Variants in PCYT1A observed in about 807,000 individuals in gnomAD.
PCYT1A encodes phosphate cytidylyltransferase 1A, choline, also known as choline-phosphate cytidylyltransferase A.
PCYT1A carries 25 observed loss-of-function variants against 43.7 expected under a neutral mutation model. That is an observed-to-expected ratio of 0.57 (90% confidence interval 0.42 to 0.80). PCYT1A has a LOEUF of 0.80. Ranked by LOEUF, PCYT1A falls within the 30% of genes least tolerant of loss-of-function variation. PCYT1A has a pLI of 0.00. For synonymous variants in PCYT1A, 172 were observed against 170.7 expected, an observed-to-expected ratio of 1.01 and a Z score of -0.06; for missense variants, 421 against 474.2, an observed-to-expected ratio of 0.89 and a Z score of 1.04.
chr3:196,241,236 G>A (rs1217999771), intron 7 of PCYT1A, among the ~76,000 whole-genome samples: 1 of 151,238 alleles, frequency 6.6e-6, no homozygotes, highest in Non-Finnish European at 1.5e-5. Context: ...GACAGAGGCT[G>A]CAGTGAGCCG....
chr3:196,272,436 G>A (rs889897006), intron 1 of PCYT1A, among the ~76,000 whole-genome samples: 10 of 151,994 alleles, frequency 6.6e-5, no homozygotes, highest in African/African-American at 1.5e-4. Flanking sequence ...CACCTGCCTC[G>A]TCCTCCAAAA....
At chr3:196,279,826 CTTTTTTTTTTTT>C (rs397723929) in intron 1 of PCYT1A, among the ~76,000 whole-genome samples, 109 of 50,962 alleles carry the variant, frequency 2.1e-3, no homozygotes, top group African/African-American at 7.9e-3. Context: ...CCAGTCCTTT[CTTTTTTTTTTTT>C]TTTTTTTTTT....
At chr3:196,240,177 A>T (rs1347431101) in intron 7 of PCYT1A, among the ~76,000 whole-genome samples, 1 of 152,190 alleles carries the variant, frequency 6.6e-6, no homozygotes, top group Non-Finnish European at 1.5e-5. Context: ...TTACTTAATT[A>T]ATCTGCTTAT....
chr3:196,286,634 G>T (rs563927757), intron 1 of PCYT1A, among the ~76,000 whole-genome samples: 2 of 152,248 alleles, frequency 1.3e-5, no homozygotes, highest in South Asian at 4.1e-4. Flanking sequence ...ACAGGTTCAG[G>T]CCAGGCGCGG....
chr3:196,244,100 C>A (rs565765559), intron 5 of PCYT1A, among the ~76,000 whole-genome samples: 3 of 150,346 alleles, frequency 2.0e-5, no homozygotes, highest in Non-Finnish European at 4.4e-5. Context: ...GCGCCTCTGC[C>A]CCGCCGCCCC....
Position 196,242,541 on chromosome 3 carries a change from G to A in PCYT1A, c.565+21C>T, listed in dbSNP as rs748282588. ...CAGCTGCCCTGAGATCCCCTACAGT[G>A]AGGAAGCACAGCTCACTCACCTGCC... On this transcript the variant is annotated intron_variant, in intron 6 of 8. Coordinates refer to ENST00000431016, the MANE Select transcript of PCYT1A (RefSeq NM_001312673.2). The surrounding 1 kb of genome is among the most constrained non-coding windows in gnomAD (Gnocchi z 4.2). 4.2e-5 allele frequency: 64 copies of A among 1,530,010 alleles called. No individual in the cohort carries two copies. Among genetic ancestry groups the A allele is most frequent in the Non-Finnish European group, 5.5e-5 (61 of 1,103,488 alleles). 94.8% of individuals were successfully genotyped at this position (1,530,010 alleles called of 1,614,324 possible).
intron 3 of PCYT1A, among the ~76,000 whole-genome samples, chr3:196,256,520 T>C (rs1028093975): frequency 3.3e-5 from 5 of 152,076 alleles, no homozygotes; most frequent in African/African-American, 9.7e-5. Flanking sequence ...AGTATGACAC[T>C]GTACATCACT....
intron 5 of PCYT1A, among the ~76,000 whole-genome samples, chr3:196,244,375 G>A (rs866393824): frequency 4.6e-5 from 7 of 150,628 alleles, no homozygotes; most frequent in South Asian, 2.1e-4. Flanking sequence ...GTCTCTGCCC[G>A]GCCGCCCATC....
intron 3 of PCYT1A, among the ~76,000 whole-genome samples, chr3:196,250,360 G>A (rs1404406242): frequency 1.3e-5 from 2 of 151,864 alleles, no homozygotes; most frequent in Non-Finnish European, 2.9e-5. Flanking sequence ...TGCTGAGGCT[G>A]AGGATCAGAT....
intron 1 of PCYT1A, among the ~76,000 whole-genome samples, chr3:196,271,019 G>A (rs938954339): frequency 1.3e-5 from 2 of 151,840 alleles, no homozygotes; most frequent in African/African-American, 4.9e-5. Flanking sequence ...ACAAAACACG[G>A]ATTTCTTAAC....
At chr3:196,278,846 T>C (rs1250836311) in intron 1 of PCYT1A, among the ~76,000 whole-genome samples, 4 of 150,200 alleles carry the variant, frequency 2.7e-5, no homozygotes. Context: ...CCAGGAGTGG[T>C]GGCACATGCT....
intron 1 of PCYT1A, among the ~76,000 whole-genome samples, chr3:196,272,592 T>C (rs1487702534): frequency 6.6e-6 from 1 of 152,196 alleles, no homozygotes; most frequent in Non-Finnish European, 1.5e-5. Flanking sequence ...GTGCTGGAAT[T>C]ACAGGTGTGA....
Position 196,287,707 on chromosome 3 carries a change from G to C in PCYT1A, c.-103C>G, listed in dbSNP as rs559531380. ...GAAGTTGAGGAGGTTGCGGGGAGACGCCCGGGGAAGGCAGCTGATGGAAGA... is the reference window on the plus strand; with the variant it reads ...GAAGTTGAGGAGGTTGCGGGGAGACCCCCGGGGAAGGCAGCTGATGGAAGA... On this transcript the variant is annotated 5_prime_UTR_variant, in exon 1 of 9. Transcript: ENST00000431016. 2.0e-5 allele frequency: 3 copies of C among 152,338 alleles called. No individual in the cohort carries two copies. The highest frequency in any genetic ancestry group is 7.2e-5 in the African/African-American group (3 of 41,544). 9.4% of individuals were successfully genotyped at this position (152,338 alleles called of 1,614,324 possible). A position where few individuals can be genotyped will look rare whatever the true frequency, so the allele number is the denominator to read the frequency against.
intron 2 of PCYT1A, among the ~76,000 whole-genome samples, chr3:196,265,190 A>C (rs1201076884): frequency 2.6e-5 from 4 of 151,830 alleles, no homozygotes; most frequent in African/African-American, 9.7e-5. Flanking sequence ...CAGTCTCCTG[A>C]GTAGCTGGGA....
chr3:196,273,715 G>A lies in PCYT1A; in HGVS notation c.-10-3174C>T, dbSNP rs1051207531. Among the ~76,000 whole-genome samples, 1 of 152,180 alleles carries A rather than the reference G, an allele frequency of 6.6e-6. No homozygotes were observed. The highest frequency in any genetic ancestry group is 1.5e-5 in the Non-Finnish European group (1 of 68,028). ...GTATGGCTGAGTCCAGGGTTTCTAC[G>A]GGCTTCAGCGGGCAGGAAGTGCATG... On this transcript the variant is annotated intron_variant, in intron 1 of 8. Transcript: ENST00000431016. The surrounding 1 kb of genome is among the most constrained non-coding windows in gnomAD (Gnocchi z 4.1).
Position 196,249,784 on chromosome 3 carries a change from T to C in PCYT1A, c.218-1461A>G, listed in dbSNP as rs533184525. On this transcript the variant is annotated intron_variant, in intron 3 of 8. Coordinates refer to ENST00000431016, the MANE Select transcript of PCYT1A (RefSeq NM_001312673.2). ...AGATACACTATGCTGAGGTTGAGGA[T>C]CAGATACACCATGCCGAGGCTGAGG... Among the ~76,000 whole-genome samples, 8 of 151,426 alleles carry C rather than the reference T, an allele frequency of 5.3e-5. No homozygotes were observed. The South Asian group carries it at 1.3e-3, about 24-fold the overall frequency.
Position 196,242,095 on chromosome 3 carries a change from C to G in PCYT1A, c.566-5G>C. On this transcript the variant is annotated splice_region_variant and splice_polypyrimidine_tract_variant and intron_variant, in intron 6 of 8. Coordinates refer to ENST00000431016, the MANE Select transcript of PCYT1A (RefSeq NM_001312673.2). The surrounding 1 kb of genome is among the most constrained non-coding windows in gnomAD (Gnocchi z 4.2). ...TCTGTGTTGGAGCAAACATGCCTAA[C>G]TCAGAAACACATACAGACAAACACT... 1.2e-6 allele frequency: 2 copies of G among 1,613,830 alleles called. No individual in the cohort carries two copies. Among genetic ancestry groups the G allele is most frequent in the Non-Finnish European group, 1.7e-6 (2 of 1,179,934 alleles).
intron 1 of PCYT1A, among the ~76,000 whole-genome samples, chr3:196,280,881 G>A (rs903486514): frequency 4.6e-5 from 7 of 152,084 alleles, no homozygotes; most frequent in Admixed American, 3.3e-4. Flanking sequence ...CTGAAACCAC[G>A]GAAAGTAAAA....
rs1725627756 is a variant in PCYT1A at position 196,277,616 on chromosome 3, A to G, written c.-10-7075T>C. ...CTGGGCGCGGTGGCTCATGCCTGTA[A>G]TCCCAGCACTTTGGGAGACCAAGGT... On this transcript the variant is annotated intron_variant, in intron 1 of 8. Transcript: ENST00000431016. This position sits in a 1 kb window ranked among gnomAD's most constrained non-coding sequence, Gnocchi z 4.1. Among the ~76,000 whole-genome samples the G allele has an allele frequency of 6.6e-6, 1 of 152,188 alleles. No individual in the cohort carries two copies. The highest frequency in any genetic ancestry group is 2.4e-5 in the African/African-American group (1 of 41,450).
Sources: allele counts gnomAD v4.1 joint callset (sites outside exome capture counted in the v4.1 genomes callset), GRCh38; gene constraint gnomAD v4.1.1; non-coding constraint Gnocchi (gnomAD v3.1); transcripts MANE v1.5; gene names NCBI Gene and HGNC (gene_info 2026-07-23, HGNC 2026-07-21).